UVRAG: variants seen among roughly 807,000 people sequenced by gnomAD.
UVRAG encodes the protein UV radiation resistance-associated gene protein.
A neutral mutation model predicts 78.0 loss-of-function variants in UVRAG; 19 were observed. The observed-to-expected ratio is 0.24, with a 90% CI of 0.17 to 0.36. UVRAG has a LOEUF of 0.36. Among genes scored for constraint, UVRAG ranks in the 10% least tolerant of loss-of-function variants. The pLI is 1.00. For synonymous variants in UVRAG, 323 were observed against 324.6 expected, an observed-to-expected ratio of 1.00 and a Z score of 0.05; for missense variants, 740 against 853.8, an observed-to-expected ratio of 0.87 and a Z score of 1.66.
In UVRAG at chr11:76,019,549, G is replaced by A. The variant is rs1326019128; in HGVS notation, c.1226+2569G>A. On this transcript the variant is annotated intron_variant, in intron 12 of 14. Coordinates refer to ENST00000356136, the MANE Select transcript of UVRAG (RefSeq NM_003369.4). The stretch of plus-strand genomic sequence containing the variant: ...GTGATCTAAGCTGTATCTGCATTAG[G>A]GGGAACACTAAGCTCAGTAACACTG... Among the ~76,000 whole-genome samples, 11 of 152,298 alleles carry A rather than the reference G, an allele frequency of 7.2e-5. No homozygotes were observed. In the South Asian group the frequency reaches 1.7e-3, roughly 23 times the overall value.
chr11:75,917,419 C>G (rs746511515), intron 6 of UVRAG, among the ~76,000 whole-genome samples: 11 of 152,154 alleles, frequency 7.2e-5, no homozygotes, highest in Non-Finnish European at 1.6e-4. Context: ...CTTACCAATA[C>G]TTCTTGGTTA....
At chr11:76,058,268 T>C (rs1951018916) in intron 12 of UVRAG, among the ~76,000 whole-genome samples, 1 of 152,118 alleles carries the variant, frequency 6.6e-6, no homozygotes, top group South Asian at 2.1e-4. Flanking sequence ...TGGTCACTCA[T>C]GCCTGTAATC....
chr11:75,933,331 G>C (rs1362067194), intron 6 of UVRAG, among the ~76,000 whole-genome samples: 1 of 152,122 alleles, frequency 6.6e-6, no homozygotes, highest in African/African-American at 2.4e-5. Context: ...CTAGACCACT[G>C]TCTCTTGCCA....
At chr11:75,947,141 T>C (rs1480643928) in intron 6 of UVRAG, among the ~76,000 whole-genome samples, 1 of 152,118 alleles carries the variant, frequency 6.6e-6, no homozygotes, top group Admixed American at 6.6e-5. Flanking sequence ...TTTCCAAATA[T>C]AGTCACATTA....
chr11:75,895,876 A>AT (rs1344941436), intron 5 of UVRAG, among the ~76,000 whole-genome samples: 1 of 152,030 alleles, frequency 6.6e-6, no homozygotes, highest in Non-Finnish European at 1.5e-5. Flanking sequence ...GTGATTCATG[A>AT]TTTTTTTTCC....
At chr11:75,928,658 G>T (rs949135368) in intron 6 of UVRAG, among the ~76,000 whole-genome samples, 1 of 151,966 alleles carries the variant, frequency 6.6e-6, no homozygotes, top group African/African-American at 2.4e-5. Context: ...TCGAAAGCTG[G>T]GCCGGGTGCG....
intron 2 of UVRAG, among the ~76,000 whole-genome samples, chr11:75,856,378 C>G (rs1337807085): frequency 3.3e-5 from 5 of 152,136 alleles, no homozygotes; most frequent in Non-Finnish European, 7.4e-5. Flanking sequence ...TACCGACTGT[C>G]TTGAATACAT....
At chr11:75,985,875 A>T (rs543474501) in intron 8 of UVRAG, among the ~76,000 whole-genome samples, 37 of 151,958 alleles carry the variant, frequency 2.4e-4, no homozygotes, top group African/African-American at 8.7e-4. Context: ...GTTCTGTTCT[A>T]TTGATCTATT....
Position 75,839,862 on chromosome 11 carries a change from T to TATAGAG in UVRAG, c.118-12020_118-12019insTAGAGA, listed in dbSNP as rs146855804. Among the ~76,000 whole-genome samples, 1,068 of 149,016 alleles carry TATAGAG rather than the reference T, an allele frequency of 7.2e-3. 10 individuals are homozygous for TATAGAG. The highest frequency in any genetic ancestry group is 0.044 in the East Asian group (225 of 5,072). ...ATACACACCCCCACACATATATATATAGAGAGAGAGAGAGAGAGAAAGAGA... is the reference window on the plus strand; with the variant it reads ...ATACACACCCCCACACATATATATATATAGAGAGAGAGAGAGAGAGAGAGAAAGAGA... On this transcript the variant is annotated intron_variant, in intron 1 of 14. Transcript: ENST00000356136.
chr11:75,925,051 CT>C (rs1200554897), intron 6 of UVRAG, among the ~76,000 whole-genome samples: 1 of 152,202 alleles, frequency 6.6e-6, no homozygotes, highest in Non-Finnish European at 1.5e-5. Context: ...GTCTCTGCCC[CT>C]GTCCTTTAAT....
At chr11:75,957,005 GTT>G (rs1371325315) in intron 6 of UVRAG, among the ~76,000 whole-genome samples, 1 of 143,666 alleles carries the variant, frequency 7.0e-6, no homozygotes, top group Non-Finnish European at 1.5e-5. Context: ...TCTATGGACT[GTT>G]TTTTTTTTTA....
chr11:75,826,103 C>T (rs1342964663), intron 1 of UVRAG, among the ~76,000 whole-genome samples: 2 of 151,760 alleles, frequency 1.3e-5, no homozygotes, highest in African/African-American at 2.4e-5. Context: ...TCCCAAAGTG[C>T]TGGGATTACA....
chr11:75,928,939 CAAAAAAAA>C (rs368913080), intron 6 of UVRAG, among the ~76,000 whole-genome samples: 2 of 67,494 alleles, frequency 3.0e-5, no homozygotes, highest in South Asian at 8.3e-4. Flanking sequence ...GAGACTGTCT[CAAAAAAAA>C]AAAAAAAAAA....
intron 3 of UVRAG, among the ~76,000 whole-genome samples, chr11:75,876,154 A>G (rs1031000070): frequency 6.6e-6 from 1 of 152,190 alleles, no homozygotes; most frequent in Non-Finnish European, 1.5e-5. Flanking sequence ...CTTTGATGTT[A>G]ATGGTGATTA....
chr11:76,137,816 G>A (rs1334468909), intron 14 of UVRAG: 1 of 257,514 alleles, frequency 3.9e-6, no homozygotes, highest in Admixed American at 4.9e-5. Flanking sequence ...ACTGAGGTGG[G>A]AGGATCCCTT....
rs1374603835 is a variant in UVRAG, at chr11:75,983,539, C to G, written c.826+26C>G. The G allele has an allele frequency of 2.0e-6, 3 of 1,534,610 alleles. No homozygotes were observed. In the African/African-American group the frequency reaches 4.1e-5, roughly 21 times the overall value. ...GTGAGTGGAAATACCATACAAACAG[C>G]CTAACCTCCACATTCAGTAGTTCTC... is the stretch of plus-strand genomic sequence containing the variant. On this transcript the variant is annotated intron_variant, in intron 8 of 14. Coordinates refer to ENST00000356136, the MANE Select transcript of UVRAG (RefSeq NM_003369.4).
intron 3 of UVRAG, among the ~76,000 whole-genome samples, chr11:75,872,517 T>A (rs958521576): frequency 6.6e-6 from 1 of 151,550 alleles, no homozygotes; most frequent in Non-Finnish European, 1.5e-5. Flanking sequence ...GCCTCCTGAG[T>A]AGCTGAGATA....
At chr11:75,890,822 A>C (rs890892291) in intron 5 of UVRAG, among the ~76,000 whole-genome samples, 1 of 152,228 alleles carries the variant, frequency 6.6e-6, no homozygotes, top group Non-Finnish European at 1.5e-5. Context: ...TTTAAAGTCC[A>C]CATAGGGGGC....
chr11:76,131,140 T>G (rs1000704644), intron 14 of UVRAG, among the ~76,000 whole-genome samples: 5 of 152,230 alleles, frequency 3.3e-5, no homozygotes, highest in Non-Finnish European at 7.3e-5. Flanking sequence ...ACAGACCATT[T>G]TACAGTCCTC....
Sources: gnomAD v4.1 joint callset for allele counts (sites outside exome capture counted in the v4.1 genomes callset) on GRCh38, gnomAD v4.1.1 for gene constraint, MANE v1.5 for transcripts, NCBI Gene and HGNC (gene_info 2026-07-23, HGNC 2026-07-21) for gene names.